WDR49: variants seen among roughly 807,000 people sequenced by gnomAD.
WDR49 encodes the protein WD repeat domain 49.
Under a neutral mutation model 119.5 loss-of-function variants are expected in WDR49, and 107 were observed. The observed-to-expected ratio is 0.90, with a 90% CI of 0.77 to 1.05. WDR49 has a LOEUF of 1.05. WDR49 is among the 50% of genes least tolerant of loss of function. WDR49 has a pLI of 0.00. For missense variants in WDR49, 1,240 were observed against 1,220.5 expected (o/e 1.02, Z -0.24); for synonymous variants, 425 against 418.8 (o/e 1.01, Z -0.18).
chr3:167,505,266 A>C (rs1236853312), intron 17 of WDR49, 41 bp downstream of exon 17: 2 of 1,410,434 alleles, frequency 1.4e-6, no homozygotes, highest in Non-Finnish European at 1.8e-6. Context: ...TAATCTGTTA[A>C]ATAATATTAT....
intron 18 of WDR49, 148 bp from the exon 19 acceptor site, chr3:167,479,144 A>G (rs1012564834): frequency 1.1e-5 from 7 of 618,668 alleles, no homozygotes; most frequent in Non-Finnish European, 1.6e-5. Context: ...AATTTTCTCT[A>G]AGCTTCTGCT....
In WDR49 at chr3:167,554,690, A is replaced by G; in HGVS notation, c.1783T>C (p.Trp595Arg). ...CATGAGGCATAATCATACCTCTCCC[A>G]GCCTGTAACCAGTATTTTCTTCTTA... is the stretch of plus-strand genomic sequence containing the variant. Reference protein sequence around the residue: ...ILKKKILVTGWERYDYASWKT... With the variant: ...ILKKKILVTGRERYDYASWKT... The change falls in exon 10 of 19, where the codon TGG becomes CGG. Residue 595 changes from tryptophan (W) to arginine (R), a missense_variant. Transcript: ENST00000682715. 6.2e-7 allele frequency: 1 copy of G among 1,611,472 alleles called. No individual in the cohort carries two copies. The highest frequency in any genetic ancestry group is 8.5e-7 in the Non-Finnish European group (1 of 1,178,288).
chr3:167,496,558 TGTGTTCCC>T (rs1751361139), intron 18 of WDR49, among the ~76,000 whole-genome samples: 1 of 152,162 alleles, frequency 6.6e-6, no homozygotes, highest in African/African-American at 2.4e-5. Flanking sequence ...TGAATTTTCA[TGTGTTCCC>T]ATAGGATGCA....
At chr3:167,566,811 A>G in intron 8 of WDR49, 3 of 625,116 alleles carry the variant, frequency 4.8e-6, no homozygotes, top group Non-Finnish European at 8.6e-6. Context: ...AAATTATAAG[A>G]AAGAGAAAAT....
At chr3:167,520,723 T>C (rs1752405045) in intron 16 of WDR49, among the ~76,000 whole-genome samples, 2 of 152,164 alleles carry the variant, frequency 1.3e-5, no homozygotes, top group South Asian at 4.1e-4. Flanking sequence ...AGATGTTTAA[T>C]ACAAAAGTAT....
At chr3:167,653,191 A>G (rs768677362) in intron 2 of WDR49, 70 bp downstream of exon 2, 96 of 1,480,970 alleles carry the variant, frequency 6.5e-5, no homozygotes, top group Non-Finnish European at 8.4e-5. Context: ...AAAGAAAAAT[A>G]TCTCTGTGTT....
chr3:167,497,050 C>T (rs955175038), intron 18 of WDR49, among the ~76,000 whole-genome samples: 6 of 152,188 alleles, frequency 3.9e-5, no homozygotes, highest in Non-Finnish European at 8.8e-5. Context: ...TGTTTTCTCC[C>T]TCACCTTTGA....
At chr3:167,633,237 T>C (rs1042264969) in intron 2 of WDR49, among the ~76,000 whole-genome samples, 13 of 152,026 alleles carry the variant, frequency 8.6e-5, no homozygotes, top group African/African-American at 3.1e-4. Flanking sequence ...TGCAGGAGAC[T>C]GTACCAGCAG....
chr3:167,528,132 C>A, intron 14 of WDR49, 115 bp from the exon 15 acceptor site: 1 of 783,306 alleles, frequency 1.3e-6, no homozygotes, highest in East Asian at 2.8e-5. Flanking sequence ...ACCTATGATC[C>A]AAATGCAAAA....
At chr3:167,634,701 T>C (rs1373856875) in intron 2 of WDR49, among the ~76,000 whole-genome samples, 2 of 151,878 alleles carry the variant, frequency 1.3e-5, no homozygotes, top group African/African-American at 4.8e-5. Context: ...CCTTGAAACT[T>C]GACAGGCATT....
At chr3:167,644,169 C>G (rs1014878378) in intron 2 of WDR49, among the ~76,000 whole-genome samples, 3 of 151,064 alleles carry the variant, frequency 2.0e-5, no homozygotes, top group Non-Finnish European at 2.9e-5. Context: ...AATTAATGCT[C>G]TGAGTATAAG....
chr3:167,599,432 A>G (rs553261341), intron 7 of WDR49, among the ~76,000 whole-genome samples: 92 of 152,176 alleles, frequency 6.0e-4, no homozygotes, highest in Middle Eastern at 3.4e-3. Context: ...AAGGCTCTTC[A>G]GTCAGCTTGT....
chr3:167,534,174 G>A (rs1003371909), intron 11 of WDR49, among the ~76,000 whole-genome samples: 2 of 151,918 alleles, frequency 1.3e-5, no homozygotes, highest in African/African-American at 2.4e-5. Context: ...CAGCCTGGGC[G>A]ACAGAGTGAG....
intron 3 of WDR49, among the ~76,000 whole-genome samples, chr3:167,626,289 G>A (rs1717124720): frequency 6.6e-6 from 1 of 151,906 alleles, no homozygotes; most frequent in Non-Finnish European, 1.5e-5. Flanking sequence ...TATTCTCTCT[G>A]CTTGTGGGTG....
intron 16 of WDR49, among the ~76,000 whole-genome samples, chr3:167,511,678 T>A (rs1751980564): frequency 6.6e-6 from 1 of 151,924 alleles, no homozygotes; most frequent in African/African-American, 2.4e-5. Flanking sequence ...TTGCAGCCAG[T>A]GGCAGCATGC....
chr3:167,577,509 G>A (rs962662662), intron 7 of WDR49, among the ~76,000 whole-genome samples: 1 of 151,920 alleles, frequency 6.6e-6, no homozygotes, highest in African/African-American at 2.4e-5. Context: ...TACTAACAGG[G>A]GGACCTCCAA....
Position 167,478,900 on chromosome 3 carries a change from T to A in WDR49, c.3128A>T (p.Glu1043Val). 6.2e-7 allele frequency: 1 copy of A among 1,608,202 alleles called. No individual in the cohort carries two copies. The highest frequency in any genetic ancestry group is 8.5e-7 in the Non-Finnish European group (1 of 1,178,592). Residue 1043 changes from glutamate (E) to valine (V), a missense_variant, in exon 19 of 19, where the codon GAA becomes GTA. By Grantham distance (121) the Glu-to-Val change is moderately radical. Transcript: ENST00000682715. ...AKQLCQEKSCEVKKNKK is the reference protein window; with the variant it reads ...AKQLCQEKSCVVKKNKK ...TAATTACTTCTTATTTTTCTTCACT[T>A]CACAACTTTTTTCTTGGCATAATTG...
intron 18 of WDR49, among the ~76,000 whole-genome samples, chr3:167,492,862 C>T (rs141134995): frequency 1.9e-4 from 26 of 139,456 alleles, no homozygotes; most frequent in African/African-American, 6.5e-4. Context: ...CATAACTTAT[C>T]GGGTATAAAA....
At position 167,500,301 on chromosome 3, in the gene WDR49, T is replaced by C. The variant is rs112635456; in HGVS notation, c.2885-2A>G. The C allele has an allele frequency of 6.2e-7, 1 of 1,605,016 alleles. No homozygotes were observed. Among genetic ancestry groups the C allele is most frequent in the South Asian group, 1.1e-5 (1 of 89,116 alleles). ...CAATGTTTAATGACCTAAATGTACCTTCACAACAGCAGGTTTTAGAGGAAG... is the reference window on the plus strand; with the variant it reads ...CAATGTTTAATGACCTAAATGTACCCTCACAACAGCAGGTTTTAGAGGAAG... On this transcript the variant is annotated splice_acceptor_variant, in intron 17 of 18. Coordinates refer to ENST00000682715, the MANE Select transcript of WDR49 (RefSeq NM_001366157.1). LOFTEE classifies it high-confidence loss of function.
Sources: gnomAD v4.1 joint callset for allele counts (sites outside exome capture counted in the v4.1 genomes callset) on GRCh38, gnomAD v4.1.1 for gene constraint, MANE v1.5 for transcripts, NCBI Gene and HGNC (gene_info 2026-07-23, HGNC 2026-07-21) for gene names.